Variants in SLC24A4 observed in about 807,000 individuals in gnomAD.
SLC24A4 encodes the protein sodium/potassium/calcium exchanger 4.
In SLC24A4, 53 loss-of-function variants were observed where a neutral mutation model predicts 79.0. That is an observed-to-expected ratio of 0.67 (90% confidence interval 0.54 to 0.84). The LOEUF (loss-of-function observed/expected upper bound fraction) is 0.84, where lower values mean the gene tolerates loss of function less well. Among genes scored for constraint, SLC24A4 ranks in the 40% least tolerant of loss-of-function variants. The pLI is 0.00. For missense variants in SLC24A4, 731 were observed against 822.0 expected, an observed-to-expected ratio of 0.89 and a Z score of 1.35; for synonymous variants, 323 against 323.8, an observed-to-expected ratio of 1.00 and a Z score of 0.03.
intron 2 of SLC24A4, among the ~76,000 whole-genome samples, chr14:92,428,783 G>A (rs750488467): frequency 1.6e-4 from 24 of 152,252 alleles, no homozygotes; most frequent in Non-Finnish European, 3.1e-4. Context: ...CCCTTGGGGG[G>A]AGGGGACCCC....
chr14:92,477,777 C>T (rs1427650207), intron 12 of SLC24A4, among the ~76,000 whole-genome samples: 2 of 110,800 alleles, frequency 1.8e-5, no homozygotes, highest in East Asian at 5.0e-4. Context: ...TTTCTTTTTT[C>T]TTTTCTCTTT....
rs141489550 is a variant in SLC24A4 at position 92,428,405 on chromosome 14, A to T, written c.242-5507A>T. On this transcript the variant is annotated intron_variant, in intron 2 of 16. Transcript: ENST00000532405. ...TGACCCTGCAGTGCACAGCCTGCGC[A>T]CCCATATCTAGGGTCCCTGAGGGGG... Among the ~76,000 whole-genome samples, 1,143 of 152,272 alleles carry T rather than the reference A, an allele frequency of 7.5e-3. 43 individuals carry two copies. The highest frequency in any genetic ancestry group is 0.068 in the Admixed American group (1,039 of 15,302).
At chr14:92,415,376 C>T (rs572406226) in intron 2 of SLC24A4, among the ~76,000 whole-genome samples, 6 of 152,228 alleles carry the variant, frequency 3.9e-5, no homozygotes, top group South Asian at 4.2e-4. Context: ...GGTCATGAGC[C>T]GGAATAGACT....
At chr14:92,458,451 T>TG (rs1893612915) in intron 12 of SLC24A4, among the ~76,000 whole-genome samples, 1 of 152,168 alleles carries the variant, frequency 6.6e-6, no homozygotes, top group Admixed American at 6.5e-5. Flanking sequence ...GCTCAGCCAG[T>TG]CTGGCTGGTG....
intron 12 of SLC24A4, chr14:92,457,672 T>C (rs1351451116): frequency 1.3e-5 from 2 of 152,496 alleles, no homozygotes; most frequent in South Asian, 2.1e-4. Flanking sequence ...TTCCGTGAGG[T>C]CCTCTGGAGT....
chr14:92,499,160 G>A lies in SLC24A4; in HGVS notation c.*5532G>A, dbSNP rs1409602505. 6.6e-6 allele frequency: 1 copy of A among 152,244 alleles called. No homozygotes were observed. The highest frequency in any genetic ancestry group is 2.1e-4 in the South Asian group (1 of 4,834). 9.4% of individuals were successfully genotyped at this position (152,244 alleles called of 1,614,324 possible). ...CAAGCACACACTGCCAGGGGCACGG[G>A]TTGTCTTTCACCTGCATGTTTCTAA... On this transcript the variant is annotated 3_prime_UTR_variant, in exon 17 of 17. Coordinates refer to ENST00000532405, the MANE Select transcript of SLC24A4 (RefSeq NM_153646.4).
chr14:92,492,368 A>C, intron 16 of SLC24A4, 128 bp downstream of exon 16: 1 of 868,958 alleles, frequency 1.2e-6, no homozygotes, highest in Admixed American at 2.3e-5. Flanking sequence ...AGGCAAGAAA[A>C]TGTAGACGTT....
At chr14:92,380,988 T>C (rs1050406354) in intron 2 of SLC24A4, among the ~76,000 whole-genome samples, 5 of 152,018 alleles carry the variant, frequency 3.3e-5, no homozygotes, top group African/African-American at 9.7e-5. Context: ...GGTGTGCACA[T>C]AGTGAGAGGT....
intron 13 of SLC24A4, chr14:92,484,691 A>G (rs1895259805): frequency 1.0e-6 from 1 of 985,254 alleles, no homozygotes; most frequent in Non-Finnish European, 1.2e-6. Context: ...ACATGGGGAC[A>G]CTTGAACATT....
At position 92,496,187 on chromosome 14, in the gene SLC24A4, T is replaced by C. The variant is rs2139958636; in HGVS notation, c.*2559T>C. 6.5e-6 allele frequency: 1 copy of C among 152,808 alleles called. No homozygotes were observed. Among genetic ancestry groups the C allele is most frequent in the South Asian group, 2.1e-4 (1 of 4,826 alleles). The allele number at this position is 152,808 out of a possible 1,614,324, so 9.5% of individuals were successfully genotyped here. ...TATGCTCCTCTTGGCTAATTTTCTT[T>C]TGACTTTAATGTGCCAATGTAACTT... is the stretch of plus-strand genomic sequence containing the variant. On this transcript the variant is annotated 3_prime_UTR_variant, in exon 17 of 17. Coordinates refer to ENST00000532405, the MANE Select transcript of SLC24A4 (RefSeq NM_153646.4).
In SLC24A4 at chr14:92,490,252, G is replaced by A. The variant is rs1895610233; in HGVS notation, c.1538-1413G>A. 6.6e-6 allele frequency among the ~76,000 whole-genome samples: 1 copy of A among 152,230 alleles called. No individual in the cohort carries two copies. The highest frequency in any genetic ancestry group is 6.5e-5 in the Admixed American group (1 of 15,290). ...TCCAAAAACATGTGTATGTGTGCCA[G>A]GTTAGGACAGTGGTGTGGAAGTATG... On this transcript the variant is annotated intron_variant, in intron 14 of 16. Transcript: ENST00000532405. The surrounding 1 kb of genome is among the most constrained non-coding windows in gnomAD (Gnocchi z 4.3).
intron 2 of SLC24A4, among the ~76,000 whole-genome samples, chr14:92,371,655 G>C (rs1311645931): frequency 6.6e-6 from 1 of 152,160 alleles, no homozygotes; most frequent in Non-Finnish European, 1.5e-5. Flanking sequence ...ACACAGAACT[G>C]TTTCTTTTCT....
chr14:92,495,817 T>C lies in SLC24A4; in HGVS notation c.*2189T>C, dbSNP rs1454477477. On this transcript the variant is annotated 3_prime_UTR_variant, in exon 17 of 17. Coordinates refer to ENST00000532405, the MANE Select transcript of SLC24A4 (RefSeq NM_153646.4). ...TGGGGAGTGAGTGTGGGTATGACTT[T>C]ACCCTCCTGGTTGGTTCTTACTGTT... The C allele has an allele frequency of 1.3e-5, 2 of 152,230 alleles. No homozygotes were observed. Among genetic ancestry groups the C allele is most frequent in the African/African-American group, 2.4e-5 (1 of 41,460 alleles). The allele number at this position is 152,230 out of a possible 1,614,324, so 9.4% of individuals were successfully genotyped here.
intron 13 of SLC24A4, 24 bp from the exon 14 acceptor site, chr14:92,486,642 A>G: frequency 6.7e-7 from 1 of 1,489,868 alleles, no homozygotes; most frequent in Non-Finnish European, 9.4e-7. Context: ...TTGAGAGTTC[A>G]TGTCTCCACC....
At chr14:92,429,006 C>T (rs1230841068) in intron 2 of SLC24A4, among the ~76,000 whole-genome samples, 1 of 152,216 alleles carries the variant, frequency 6.6e-6, no homozygotes, top group African/African-American at 2.4e-5. Flanking sequence ...AGTGGTATGG[C>T]ACACCAGATA....
rs892365188 is a variant in SLC24A4 at position 92,472,110 on chromosome 14, G to A, written c.1256-10570G>A. Among the ~76,000 whole-genome samples, 22 of 152,124 alleles carry A rather than the reference G, an allele frequency of 1.4e-4. 1 individual carries two copies. The highest frequency in any genetic ancestry group is 1.4e-3 in the Admixed American group (21 of 15,278). On this transcript the variant is annotated intron_variant, in intron 12 of 16. Transcript: ENST00000532405. ...TCATGTGCAAAGCAATCAATCCAAA[G>A]CCCTACTCTGAACTGCTTCCTCCAT...
At chr14:92,395,562 A>G (rs1889726387) in intron 2 of SLC24A4, among the ~76,000 whole-genome samples, 1 of 152,186 alleles carries the variant, frequency 6.6e-6, no homozygotes, top group South Asian at 2.1e-4. Context: ...AAGAGTTCCT[A>G]AAGACTAAGC....
chr14:92,352,511 G>C (rs953366712), intron 2 of SLC24A4, among the ~76,000 whole-genome samples: 1 of 152,176 alleles, frequency 6.6e-6, no homozygotes, highest in East Asian at 1.9e-4. Flanking sequence ...TATGAGCTTC[G>C]ATAGTGAGCA....
At chr14:92,463,287 G>A (rs756764181) in intron 12 of SLC24A4, among the ~76,000 whole-genome samples, 7 of 152,202 alleles carry the variant, frequency 4.6e-5, no homozygotes, top group East Asian at 1.9e-4. Flanking sequence ...CTCAGAAGGC[G>A]GCACTGCAGA....
Sources: allele counts gnomAD v4.1 joint callset (sites outside exome capture counted in the v4.1 genomes callset), GRCh38; gene constraint gnomAD v4.1.1; non-coding constraint Gnocchi (gnomAD v3.1); transcripts MANE v1.5; gene names NCBI Gene and HGNC (gene_info 2026-07-23, HGNC 2026-07-21).